WDR70: variants seen among roughly 807,000 people sequenced by gnomAD.
WDR70 encodes the protein WD repeat domain 70, also known as WD repeat-containing protein 70.
In WDR70, 53 loss-of-function variants were observed where a neutral mutation model predicts 88.6. That is an observed-to-expected ratio of 0.60 (90% CI 0.48 to 0.75). The LOEUF is 0.75. WDR70 is among the 30% of genes least tolerant of loss of function. The probability of loss-of-function intolerance (pLI) is 0.00; values close to 1 mark genes in which losing one functional copy is unlikely to be tolerated. For missense variants in WDR70, 610 were observed against 823.2 expected, an observed-to-expected ratio of 0.74 and a Z score of 3.17; for synonymous variants, 280 against 270.0, an observed-to-expected ratio of 1.04 and a Z score of -0.36.
intron 10 of WDR70, among the ~76,000 whole-genome samples, chr5:37,650,093 C>A (rs920883425): frequency 6.7e-6 from 1 of 148,788 alleles, no homozygotes; most frequent in Non-Finnish European, 1.5e-5. Context: ...AACACTGTTA[C>A]TAGTTACTGA....
intron 7 of WDR70, among the ~76,000 whole-genome samples, chr5:37,473,283 G>A (rs957004969): frequency 6.6e-6 from 1 of 150,462 alleles, no homozygotes; most frequent in Non-Finnish European, 1.5e-5. Context: ...TACACACACA[G>A]CAATAATCCT....
At chr5:37,487,882 C>G (rs1447065216) in intron 8 of WDR70, among the ~76,000 whole-genome samples, 3 of 151,832 alleles carry the variant, frequency 2.0e-5, no homozygotes, top group African/African-American at 7.3e-5. Flanking sequence ...CCTAGGCCTC[C>G]CAAAGTGCTG....
At chr5:37,457,150 C>T (rs1182728048) in intron 7 of WDR70, among the ~76,000 whole-genome samples, 11 of 152,114 alleles carry the variant, frequency 7.2e-5, no homozygotes, top group East Asian at 1.9e-4. Flanking sequence ...GGCTGGAGTG[C>T]GGTGGCGCAA....
intron 17 of WDR70, among the ~76,000 whole-genome samples, chr5:37,738,810 A>G (rs1326084421): frequency 6.6e-6 from 1 of 152,246 alleles, no homozygotes; most frequent in Non-Finnish European, 1.5e-5. Context: ...GGGAAATTTA[A>G]TCAGCACAAA....
At chr5:37,419,551 T>C (rs1288744555) in intron 5 of WDR70, among the ~76,000 whole-genome samples, 23 of 150,468 alleles carry the variant, frequency 1.5e-4, no homozygotes, top group African/African-American at 4.9e-4. Flanking sequence ...TGGTGGCTCA[T>C]GCCTGTAATC....
chr5:37,482,495 T>C (rs1739704015), intron 8 of WDR70, among the ~76,000 whole-genome samples: 2 of 152,170 alleles, frequency 1.3e-5, no homozygotes, highest in African/African-American at 2.4e-5. Context: ...ATGAGACTTA[T>C]TCAGTACCAT....
intron 10 of WDR70, among the ~76,000 whole-genome samples, chr5:37,650,305 C>T (rs1047974254): frequency 2.0e-5 from 3 of 151,224 alleles, no homozygotes; most frequent in African/African-American, 4.9e-5. Context: ...GGAGGCTGAG[C>T]GGGGAGGATG....
chr5:37,385,518 C>CAAA lies in WDR70; in HGVS notation c.175+3856_175+3858dup, dbSNP rs1160087859. On this transcript the variant is annotated intron_variant, in intron 3 of 17. Coordinates refer to ENST00000265107, the MANE Select transcript of WDR70 (RefSeq NM_018034.4). ...TGAGTAAAAAAGCGAGAGCCTGTCT[C>CAAA]AAAAAAAAAAAAAAAAAAAAAAAAA... Among the ~76,000 whole-genome samples, 416 of 67,566 alleles carry CAAA rather than the reference C, an allele frequency of 6.2e-3. 12 individuals are homozygous for CAAA. The highest frequency in any genetic ancestry group is 0.014 in the African/African-American group (225 of 16,400). 44.3% of individuals were successfully genotyped at this position (67,566 alleles called of 152,430 possible).
chr5:37,715,331 T>C (rs1747623350), intron 13 of WDR70, among the ~76,000 whole-genome samples: 2 of 106,332 alleles, frequency 1.9e-5, no homozygotes, highest in South Asian at 6.7e-4. Flanking sequence ...TTGAGAAGAT[T>C]TCTGGCAAAA....
At chr5:37,467,764 C>T (rs545534949) in intron 7 of WDR70, among the ~76,000 whole-genome samples, 124 of 150,498 alleles carry the variant, frequency 8.2e-4, no homozygotes, top group Admixed American at 1.1e-3. Context: ...TCTCCCAGGC[C>T]GGACTGCAGT....
chr5:37,676,469 T>G (rs1269767650), intron 10 of WDR70, among the ~76,000 whole-genome samples: 1 of 152,148 alleles, frequency 6.6e-6, no homozygotes, highest in Non-Finnish European at 1.5e-5. Context: ...GTCAAAGGCC[T>G]TTTCTGCATC....
At chr5:37,531,381 C>T (rs1022467032) in intron 9 of WDR70, among the ~76,000 whole-genome samples, 34 of 151,298 alleles carry the variant, frequency 2.2e-4, no homozygotes, top group African/African-American at 8.0e-4. Context: ...GTATTGAAGT[C>T]CCCCTCTATT....
chr5:37,461,943 C>A (rs1314600817), intron 7 of WDR70, among the ~76,000 whole-genome samples: 1 of 152,112 alleles, frequency 6.6e-6, no homozygotes, highest in East Asian at 1.9e-4. Flanking sequence ...AACGAACCAC[C>A]CATGGACTTC....
At chr5:37,707,266 C>T (rs547640006) in intron 13 of WDR70, among the ~76,000 whole-genome samples, 1 of 152,134 alleles carries the variant, frequency 6.6e-6, no homozygotes, top group Admixed American at 6.5e-5. Context: ...GTTGTTTTAA[C>T]CTGATATTGT....
rs1197076082 is a variant in WDR70 at position 37,592,271 on chromosome 5, C to G, written c.918-12793C>G. ...ATTTAAAAAAATTTTTTGCATCAAA[C>G]AGTGTGTGTACATTGAACCATTAGA... On this transcript the variant is annotated intron_variant, in intron 9 of 17. Transcript: ENST00000265107. 3.3e-5 allele frequency among the ~76,000 whole-genome samples: 5 copies of G among 152,086 alleles called. No individual in the cohort carries two copies. The East Asian group carries it at 9.6e-4, about 29-fold the overall frequency.
chr5:37,740,874 A>T (rs1052868832), intron 17 of WDR70, among the ~76,000 whole-genome samples: 3 of 152,138 alleles, frequency 2.0e-5, no homozygotes, highest in Non-Finnish European at 2.9e-5. Context: ...AAGCTAGGGG[A>T]GGGATGGAGC....
At chr5:37,462,116 CATTTGGAGTAGGG>C (rs1739025024) in intron 7 of WDR70, among the ~76,000 whole-genome samples, 1 of 152,098 alleles carries the variant, frequency 6.6e-6, no homozygotes, top group Non-Finnish European at 1.5e-5. Flanking sequence ...TTTCTTTTGG[CATTTGGAGTAGGG>C]AAGTCTGATG....
intron 10 of WDR70, among the ~76,000 whole-genome samples, chr5:37,645,136 G>A (rs986811245): frequency 6.6e-6 from 1 of 150,406 alleles, no homozygotes; most frequent in African/African-American, 2.5e-5. Context: ...TCTTGGTACT[G>A]CTGTTGCTGT....
intron 9 of WDR70, among the ~76,000 whole-genome samples, chr5:37,578,571 A>C (rs1743122949): frequency 6.6e-6 from 1 of 152,204 alleles, no homozygotes; most frequent in Admixed American, 6.5e-5. Flanking sequence ...TTTATTGAAA[A>C]TCGAAGCAAA....
Sources: gnomAD v4.1 joint callset for allele counts (sites outside exome capture counted in the v4.1 genomes callset) on GRCh38, gnomAD v4.1.1 for gene constraint, MANE v1.5 for transcripts, NCBI Gene and HGNC (gene_info 2026-07-23, HGNC 2026-07-21) for gene names.